Variants in MMP26 observed in about 807,000 individuals in gnomAD.
MMP26 encodes matrix metallopeptidase 26.
A neutral mutation model predicts 31.0 loss-of-function variants in MMP26; 33 were observed. That is an observed-to-expected ratio of 1.06 (90% confidence interval 0.81 to 1.42). The LOEUF is 1.42. MMP26 is among the 40% of genes most tolerant of loss of function. MMP26 has a pLI of 0.00. For synonymous variants in MMP26, 122 were observed against 114.9 expected, an observed-to-expected ratio of 1.06 and a Z score of -0.40; for missense variants, 347 against 316.1, an observed-to-expected ratio of 1.10 and a Z score of -0.74.
chr11:4,936,321 G>A (rs976580690), intron 2 of MMP26, among the ~76,000 whole-genome samples: 4 of 150,628 alleles, frequency 2.7e-5, no homozygotes, highest in African/African-American at 7.3e-5. Context: ...TGTATGTGTC[G>A]AGGAATTTAT....
chr11:4,891,371 T>C (rs1589930814), intron 2 of MMP26, among the ~76,000 whole-genome samples: 1 of 152,062 alleles, frequency 6.6e-6, no homozygotes, highest in East Asian at 1.9e-4. Context: ...ACCATATACT[T>C]TTCAACCATC....
chr11:4,819,413 A>G (rs1327819525), intron 2 of MMP26, among the ~76,000 whole-genome samples: 1 of 152,056 alleles, frequency 6.6e-6, no homozygotes, highest in Non-Finnish European at 1.5e-5. Flanking sequence ...GAAAGAAACA[A>G]GAAAACTGAA....
chr11:4,855,924 T>G (rs928364554), intron 2 of MMP26, among the ~76,000 whole-genome samples: 1 of 152,142 alleles, frequency 6.6e-6, no homozygotes, highest in Non-Finnish European at 1.5e-5. Context: ...TATTCAACAT[T>G]CTTAAAGAAA....
rs1221913820 is a variant in MMP26, at chr11:4,953,924, C to A, written c.-144-34144C>A. 4.8e-5 allele frequency among the ~76,000 whole-genome samples: 6 copies of A among 124,602 alleles called. 2 individuals are homozygous for A. Among genetic ancestry groups the A allele is most frequent in the African/African-American group, 1.6e-4 (6 of 36,496 alleles). The allele number at this position is 124,602 out of a possible 152,430, so 81.7% of individuals were successfully genotyped here. A position where few individuals can be genotyped will look rare whatever the true frequency, so the allele number is the denominator to read the frequency against. ...AAAATCAGCCAGGCGTGGTGACATG[C>A]GCCTGTAATCCTAGATACTCGGGAG... On this transcript the variant is annotated intron_variant, in intron 2 of 7. Coordinates refer to ENST00000380390, the MANE Select transcript of MMP26 (RefSeq NM_021801.5).
chr11:4,869,767 A>AC (rs1850286241), intron 2 of MMP26, among the ~76,000 whole-genome samples: 1 of 152,176 alleles, frequency 6.6e-6, no homozygotes, highest in African/African-American at 2.4e-5. Flanking sequence ...ACACATGCAC[A>AC]CCTATGTTTA....
At chr11:4,982,372 A>G (rs1846826788) in intron 2 of MMP26, among the ~76,000 whole-genome samples, 1 of 152,156 alleles carries the variant, frequency 6.6e-6, no homozygotes, top group African/African-American at 2.4e-5. Flanking sequence ...CAGCTTCATT[A>G]CAATCTTATG....
intron 2 of MMP26, among the ~76,000 whole-genome samples, chr11:4,971,425 A>T (rs1385713190): frequency 6.6e-6 from 1 of 152,218 alleles, no homozygotes; most frequent in Non-Finnish European, 1.5e-5. Flanking sequence ...TCAAACATTA[A>T]AGAAAAAATT....
intron 2 of MMP26, among the ~76,000 whole-genome samples, chr11:4,861,067 A>T (rs958503426): frequency 1.3e-5 from 2 of 149,792 alleles, no homozygotes; most frequent in Non-Finnish European, 3.0e-5. Context: ...TATTATATAT[A>T]TATATATATC....
intron 2 of MMP26, among the ~76,000 whole-genome samples, chr11:4,801,546 T>TG (rs1849183172): frequency 8.8e-5 from 13 of 148,470 alleles, no homozygotes; most frequent in Admixed American, 2.0e-4. Context: ...ATTTATTTAT[T>TG]TATTTATTTA....
At chr11:4,894,873 TC>T (rs1311528299) in intron 2 of MMP26, among the ~76,000 whole-genome samples, 31 of 152,226 alleles carry the variant, frequency 2.0e-4, no homozygotes, top group African/African-American at 7.5e-4. Flanking sequence ...ATTTCTGCTT[TC>T]CAAATCAGTT....
chr11:4,943,351 T>G, intron 2 of MMP26: 1 of 353,514 alleles, frequency 2.8e-6, no homozygotes. Context: ...GTTTTCTCAG[T>G]TTTTCACTGG....
intron 2 of MMP26, among the ~76,000 whole-genome samples, chr11:4,779,034 C>T (rs1276109726): frequency 6.6e-6 from 1 of 151,992 alleles, no homozygotes; most frequent in Non-Finnish European, 1.5e-5. Flanking sequence ...TGTAAATGCA[C>T]AGTCATGTCA....
intron 2 of MMP26, chr11:4,875,899 C>T (rs1343610270): frequency 6.6e-6 from 1 of 152,088 alleles, no homozygotes; most frequent in Non-Finnish European, 1.5e-5. Flanking sequence ...TTGCTGCAAG[C>T]TCAGATCCCT....
intron 2 of MMP26, among the ~76,000 whole-genome samples, chr11:4,804,983 AAAT>A (rs1207332660): frequency 6.7e-6 from 1 of 148,442 alleles, no homozygotes; most frequent in East Asian, 1.9e-4. Context: ...AAAAAAAAAA[AAAT>A]GAATCAATAT....
chr11:4,835,667 A>G (rs1343087983), intron 2 of MMP26, among the ~76,000 whole-genome samples: 1 of 152,196 alleles, frequency 6.6e-6, no homozygotes, highest in Admixed American at 6.5e-5. Context: ...GGAGGCAGCC[A>G]GAGGAGTTGG....
At chr11:4,949,304 C>T (rs1221369529) in intron 2 of MMP26, among the ~76,000 whole-genome samples, 1 of 122,354 alleles carries the variant, frequency 8.2e-6, no homozygotes, top group Non-Finnish European at 1.8e-5. Flanking sequence ...ACATTGTAAT[C>T]TAGTATTAAT....
chr11:4,962,687 G>A (rs754561562), intron 2 of MMP26, among the ~76,000 whole-genome samples: 3 of 152,144 alleles, frequency 2.0e-5, no homozygotes, highest in South Asian at 4.1e-4. Context: ...TTTAGCACTT[G>A]GTTGATTTCC....
At chr11:4,882,203 C>G in intron 2 of MMP26, 1 of 1,613,968 alleles carries the variant, frequency 6.2e-7, no homozygotes, top group Non-Finnish European at 8.5e-7. Context: ...TTGCTTCATT[C>G]AAATGTTCTT....
At chr11:4,925,180 G>A (rs879477771) in intron 2 of MMP26, among the ~76,000 whole-genome samples, 3 of 152,126 alleles carry the variant, frequency 2.0e-5, no homozygotes, top group Non-Finnish European at 2.9e-5. Context: ...AGCGCAGAGA[G>A]GTAAAGTGAC....
Sources: gnomAD v4.1 joint callset for allele counts (sites outside exome capture counted in the v4.1 genomes callset) on GRCh38, gnomAD v4.1.1 for gene constraint, MANE v1.5 for transcripts, NCBI Gene and HGNC (gene_info 2026-07-23, HGNC 2026-07-21) for gene names.